The following TMEM132D variants were observed in gnomAD, a reference collection of about 807,000 sequenced individuals.
The protein encoded by TMEM132D is mature OL transmembrane protein.
A neutral mutation model predicts 62.3 loss-of-function variants in TMEM132D; 21 were observed. That is an observed-to-expected ratio of 0.34 (90% CI 0.24 to 0.49). The LOEUF (loss-of-function observed/expected upper bound fraction) is 0.49. Ranked by LOEUF, TMEM132D falls within the 20% of genes least tolerant of loss-of-function variation. The pLI, the probability that TMEM132D is intolerant of heterozygous loss-of-function variation, is 0.99. For missense variants in TMEM132D, 1,346 were observed against 1,402.8 expected, an observed-to-expected ratio of 0.96 and a Z score of 0.65; for synonymous variants, 621 against 575.6, an observed-to-expected ratio of 1.08 and a Z score of -1.13.
At chr12:129,874,375 A>T (rs567067213) in intron 1 of TMEM132D, among the ~76,000 whole-genome samples, 22 of 152,240 alleles carry the variant, frequency 1.4e-4, no homozygotes, top group African/African-American at 5.3e-4. Context: ...ATACCACTGC[A>T]CTTCAGCCTG....
At chr12:129,718,847 GA>G (rs1166653549) in intron 1 of TMEM132D, among the ~76,000 whole-genome samples, 3 of 152,176 alleles carry the variant, frequency 2.0e-5, no homozygotes. Context: ...GTTGTTGGAA[GA>G]ATTACACAAG....
intron 1 of TMEM132D, among the ~76,000 whole-genome samples, chr12:129,744,843 T>C (rs1307594924): frequency 6.6e-6 from 1 of 152,210 alleles, no homozygotes; most frequent in African/African-American, 2.4e-5. Flanking sequence ...ATAATCCTAC[T>C]GATATGGTTG....
chr12:129,269,305 T>C (rs1194959156), intron 4 of TMEM132D, among the ~76,000 whole-genome samples: 1 of 152,228 alleles, frequency 6.6e-6, no homozygotes, highest in Non-Finnish European at 1.5e-5. Flanking sequence ...TGGTCCTTTC[T>C]ATCCCATTAC....
Position 129,419,255 on chromosome 12 carries a change from G to A in TMEM132D, c.1116-81438C>T, listed in dbSNP as rs116751486. ...CCATGTTCTTGGGGGTGGGGTCACC[G>A]AACCTCTGCCTGGCCAATCAGTAAT... On this transcript the variant is annotated intron_variant, in intron 3 of 8. Transcript: ENST00000422113. 7.8e-3 allele frequency among the ~76,000 whole-genome samples: 1,187 copies of A among 152,210 alleles called. 12 individuals carry two copies. The highest frequency in any genetic ancestry group is 0.022 in the African/African-American group (932 of 41,518).
intron 5 of TMEM132D, among the ~76,000 whole-genome samples, chr12:129,094,392 A>G (rs1379976712): frequency 2.6e-5 from 4 of 152,252 alleles, no homozygotes; most frequent in Non-Finnish European, 5.9e-5. Flanking sequence ...GACACTTCTC[A>G]GAAGAAAACA....
intron 4 of TMEM132D, among the ~76,000 whole-genome samples, chr12:129,275,756 G>C (rs1356687297): frequency 6.6e-6 from 1 of 152,190 alleles, no homozygotes; most frequent in Non-Finnish European, 1.5e-5. Flanking sequence ...CACCTGCCTG[G>C]AGGAGCACCA....
intron 4 of TMEM132D, among the ~76,000 whole-genome samples, chr12:129,306,164 C>T (rs142643416): frequency 1.3e-5 from 2 of 152,224 alleles, no homozygotes; most frequent in East Asian, 1.9e-4. Context: ...AAACAAGGCC[C>T]GGGTTTATAT....
chr12:129,884,088 T>C (rs1170364820), intron 1 of TMEM132D, among the ~76,000 whole-genome samples: 3 of 152,276 alleles, frequency 2.0e-5, no homozygotes, highest in Admixed American at 1.3e-4. Flanking sequence ...TACACCACTA[T>C]GCCTGGCTAA....
chr12:129,268,477 A>G (rs1324157221), intron 4 of TMEM132D, among the ~76,000 whole-genome samples: 1 of 152,242 alleles, frequency 6.6e-6, no homozygotes, highest in Non-Finnish European at 1.5e-5. Flanking sequence ...AATGAAAATC[A>G]CAATGAGATA....
intron 1 of TMEM132D, among the ~76,000 whole-genome samples, chr12:129,729,669 A>G (rs1210251952): frequency 6.6e-6 from 1 of 152,200 alleles, no homozygotes; most frequent in Non-Finnish European, 1.5e-5. Context: ...CTACTGGCAT[A>G]AAGTGTTTGT....
intron 1 of TMEM132D, among the ~76,000 whole-genome samples, chr12:129,878,758 AG>A (rs34002485): frequency 0.034 from 5,233 of 152,152 alleles, 134 homozygotes; most frequent in Non-Finnish European, 0.055. Context: ...TAGTACAGAA[AG>A]GGTTTCACCA....
At chr12:129,142,994 C>A (rs1294731382) in intron 5 of TMEM132D, among the ~76,000 whole-genome samples, 1 of 152,096 alleles carries the variant, frequency 6.6e-6, no homozygotes, top group Non-Finnish European at 1.5e-5. Flanking sequence ...TCAAAACAAG[C>A]ATCAACACAG....
intron 3 of TMEM132D, among the ~76,000 whole-genome samples, chr12:129,341,716 G>T (rs1593344006): frequency 6.6e-6 from 1 of 152,310 alleles, no homozygotes; most frequent in East Asian, 1.9e-4. Flanking sequence ...GAGATTTTGG[G>T]CTGAGACGAT....
At chr12:129,585,984 G>A (rs983368868) in intron 2 of TMEM132D, among the ~76,000 whole-genome samples, 4 of 152,110 alleles carry the variant, frequency 2.6e-5, no homozygotes, top group Non-Finnish European at 4.4e-5. Flanking sequence ...CTGCAGAATT[G>A]TAATAATAAT....
At chr12:129,384,989 C>T (rs117488113) in intron 3 of TMEM132D, among the ~76,000 whole-genome samples, 1,957 of 151,862 alleles carry the variant, frequency 0.013, 53 homozygotes, top group East Asian at 0.069. Flanking sequence ...TGAAACAGTC[C>T]CATTCACCTC....
rs539187391 is a variant in TMEM132D, at chr12:129,642,020, A to T, written c.968+57790T>A. Among the ~76,000 whole-genome samples, 15 of 152,188 alleles carry T rather than the reference A, an allele frequency of 9.9e-5. No homozygotes were observed. In the East Asian group the frequency reaches 2.7e-3, roughly 28 times the overall value. ...AGCTCCATCCCATCTTAAACCAAGCAGAAAATGCAGCAGTTCAGAAGTGTG... is the reference window on the plus strand; with the variant it reads ...AGCTCCATCCCATCTTAAACCAAGCTGAAAATGCAGCAGTTCAGAAGTGTG... On this transcript the variant is annotated intron_variant, in intron 2 of 8. Transcript: ENST00000422113.
At chr12:129,767,630 T>G (rs528164027) in intron 1 of TMEM132D, among the ~76,000 whole-genome samples, 13 of 152,336 alleles carry the variant, frequency 8.5e-5, no homozygotes, top group Admixed American at 6.5e-4. Context: ...TCACTTAGCA[T>G]AATGCCCTCC....
At chr12:129,253,581 T>C (rs1880325213) in intron 4 of TMEM132D, among the ~76,000 whole-genome samples, 1 of 152,246 alleles carries the variant, frequency 6.6e-6, no homozygotes, top group Non-Finnish European at 1.5e-5. Flanking sequence ...ATACCTACTA[T>C]TTCTGACACT....
chr12:129,425,724 A>G (rs1428392891), intron 3 of TMEM132D, among the ~76,000 whole-genome samples: 1 of 152,156 alleles, frequency 6.6e-6, no homozygotes, highest in Non-Finnish European at 1.5e-5. Flanking sequence ...ACATTTATTG[A>G]ACATTTTCTA....
Sources: allele counts gnomAD v4.1 joint callset (sites outside exome capture counted in the v4.1 genomes callset), GRCh38; gene constraint gnomAD v4.1.1; transcripts MANE v1.5; gene names NCBI Gene and HGNC (gene_info 2026-07-23, HGNC 2026-07-21).